ASTN2: variants seen among roughly 807,000 people sequenced by gnomAD.
ASTN2 encodes astrotactin 2.
Under a neutral mutation model 139.8 loss-of-function variants are expected in ASTN2, and 54 were observed. The observed-to-expected ratio is 0.39, with a 90% CI of 0.31 to 0.48. ASTN2 has a LOEUF of 0.48. Ranked by LOEUF, ASTN2 falls within the 20% of genes least tolerant of loss-of-function variation. The pLI is 0.95. For missense variants in ASTN2, 1,565 were observed against 1,725.1 expected (o/e 0.91, Z 1.64); for synonymous variants, 756 against 719.5 (o/e 1.05, Z -0.81).
At chr9:117,002,775 T>C (rs1343196873) in intron 7 of ASTN2, among the ~76,000 whole-genome samples, 1 of 152,142 alleles carries the variant, frequency 6.6e-6, no homozygotes, top group Non-Finnish European at 1.5e-5. Flanking sequence ...ATCTTGAACC[T>C]CCCGCCTTGC....
chr9:117,275,370 A>C (rs1834161019), intron 2 of ASTN2, among the ~76,000 whole-genome samples: 1 of 152,150 alleles, frequency 6.6e-6, no homozygotes, highest in African/African-American at 2.4e-5. Flanking sequence ...GCATACTAAA[A>C]ACTGGATGGC....
At chr9:117,337,846 G>A (rs1410830958) in intron 1 of ASTN2, among the ~76,000 whole-genome samples, 1 of 152,062 alleles carries the variant, frequency 6.6e-6, no homozygotes, top group African/African-American at 2.4e-5. Context: ...GCATGGGGGT[G>A]GGAGGCCAAG....
intron 10 of ASTN2, among the ~76,000 whole-genome samples, chr9:116,887,630 G>T (rs1833648013): frequency 6.6e-6 from 1 of 152,056 alleles, no homozygotes. Context: ...AAGGAGTTTT[G>T]AGCAAAGACT....
intron 4 of ASTN2, among the ~76,000 whole-genome samples, chr9:117,137,988 A>G (rs1236886330): frequency 6.6e-6 from 1 of 152,184 alleles, no homozygotes; most frequent in African/African-American, 2.4e-5. Flanking sequence ...GATTTGGTTT[A>G]TCACAGATTC....
Position 116,425,463 on chromosome 9 carries a change from TCTC to T in ASTN2, c.*385_*387del. On this transcript the variant is annotated 3_prime_UTR_variant, in exon 23 of 23. Transcript: ENST00000313400. Reference sequence around the variant, plus strand: ...CAGGTCAAAACTGTCCCTCCATAGGTCTCCTCCAGGGGTCCATGGCAGGAAGAA... The same window carrying T: ...CAGGTCAAAACTGTCCCTCCATAGGTCTCCAGGGGTCCATGGCAGGAAGAA... 1 of 1,143,654 alleles carries T rather than the reference TCTC, an allele frequency of 8.7e-7. No homozygotes were observed. 70.8% of individuals were successfully genotyped at this position (1,143,654 alleles called of 1,614,324 possible). A position where few individuals can be genotyped will look rare whatever the true frequency, so the allele number is the denominator to read the frequency against.
At chr9:117,125,830 G>A (rs1188671688) in intron 4 of ASTN2, among the ~76,000 whole-genome samples, 1 of 128,464 alleles carries the variant, frequency 7.8e-6, no homozygotes, top group African/African-American at 2.7e-5. Context: ...TCATTGCGGC[G>A]GGGGGGGGAA....
At chr9:117,293,691 A>G (rs537103377) in intron 1 of ASTN2, among the ~76,000 whole-genome samples, 5 of 152,312 alleles carry the variant, frequency 3.3e-5, no homozygotes, top group African/African-American at 1.2e-4. Flanking sequence ...TCCCAGCCTT[A>G]GCACCCAAGG....
intron 2 of ASTN2, among the ~76,000 whole-genome samples, chr9:117,223,743 A>T (rs964644293): frequency 6.6e-6 from 1 of 152,238 alleles, no homozygotes; most frequent in Non-Finnish European, 1.5e-5. Context: ...ATGTATTCAC[A>T]TTTGTAAAAA....
chr9:116,547,830 A>C (rs1318948040), intron 19 of ASTN2: 1 of 152,286 alleles, frequency 6.6e-6, no homozygotes, highest in Non-Finnish European at 1.5e-5. Context: ...CGCCCGGTTT[A>C]CCTGAGCTGC....
intron 10 of ASTN2, among the ~76,000 whole-genome samples, chr9:116,895,271 CAT>C (rs1331114268): frequency 6.6e-6 from 1 of 152,134 alleles, no homozygotes; most frequent in African/African-American, 2.4e-5. Flanking sequence ...GTATATGAAA[CAT>C]ATGAATTTCA....
At chr9:117,200,901 C>T (rs1477107698) in intron 3 of ASTN2, among the ~76,000 whole-genome samples, 1 of 151,362 alleles carries the variant, frequency 6.6e-6, no homozygotes, top group Admixed American at 6.6e-5. Flanking sequence ...AGGAGTCCCT[C>T]CTTTTCAATT....
intron 11 of ASTN2, among the ~76,000 whole-genome samples, chr9:116,841,405 T>C (rs1832255211): frequency 6.6e-6 from 1 of 152,124 alleles, no homozygotes; most frequent in South Asian, 2.1e-4. Context: ...AGACTGACTC[T>C]AATTTTATTT....
chr9:116,816,896 AAAATAAAT>A (rs10525804), intron 12 of ASTN2, among the ~76,000 whole-genome samples: 1 of 148,122 alleles, frequency 6.8e-6, no homozygotes, highest in African/African-American at 2.5e-5. Context: ...GGTAGAAATG[AAAATAAAT>A]AAATAAATAA....
intron 4 of ASTN2, among the ~76,000 whole-genome samples, chr9:117,113,225 T>C (rs182953961): frequency 2.6e-5 from 4 of 152,320 alleles, no homozygotes; most frequent in South Asian, 2.1e-4. Flanking sequence ...AGATATCCCA[T>C]TCCTAGTTAC....
rs73533304 is a variant in ASTN2, at chr9:116,836,771, G to C, written c.2041-15988C>G. ...GCAATGCTCCACCTTTCAGTCTTAT[G>C]CTTGTTTTATATAGGACATCCAGGG... is the stretch of plus-strand genomic sequence containing the variant. On this transcript the variant is annotated intron_variant, in intron 11 of 22. Transcript: ENST00000313400. Among the ~76,000 whole-genome samples, 733 of 152,116 alleles carry C rather than the reference G, an allele frequency of 4.8e-3. 3 individuals carry two copies. Among genetic ancestry groups the C allele is most frequent in the African/African-American group, 0.016 (668 of 41,480 alleles).
intron 2 of ASTN2, among the ~76,000 whole-genome samples, chr9:117,271,576 G>A (rs10983597): frequency 0.17 from 25,907 of 152,090 alleles, 2,528 homozygotes; most frequent in East Asian, 0.37. Context: ...AACAAGGTAA[G>A]TCCCTTCCAC....
At chr9:116,735,867 G>A (rs1185970399) in intron 13 of ASTN2, among the ~76,000 whole-genome samples, 1 of 152,178 alleles carries the variant, frequency 6.6e-6, no homozygotes, top group Non-Finnish European at 1.5e-5. Context: ...AAATCTCAAG[G>A]TTCTGTTCTG....
chr9:116,905,508 A>G (rs926917151), intron 10 of ASTN2, among the ~76,000 whole-genome samples: 1 of 152,002 alleles, frequency 6.6e-6, no homozygotes, highest in Non-Finnish European at 1.5e-5. Context: ...GGCAGGAAAG[A>G]CCAGGTCGGT....
chr9:116,526,639 A>C (rs1200251785), intron 19 of ASTN2, among the ~76,000 whole-genome samples: 1 of 146,802 alleles, frequency 6.8e-6, no homozygotes, highest in Non-Finnish European at 1.5e-5. Context: ...AAAAAAAGTG[A>C]CAAAAGATGT....
Sources: allele counts gnomAD v4.1 joint callset (sites outside exome capture counted in the v4.1 genomes callset), GRCh38; gene constraint gnomAD v4.1.1; transcripts MANE v1.5; gene names NCBI Gene and HGNC (gene_info 2026-07-23, HGNC 2026-07-21).